ERCC1: variants seen among roughly 807,000 people sequenced by gnomAD.
ERCC1 encodes DNA excision repair protein ERCC-1.
Under a neutral mutation model 37.6 loss-of-function variants are expected in ERCC1, and 36 were observed. The observed-to-expected ratio is 0.96, with a 90% CI of 0.73 to 1.26. ERCC1 has a LOEUF of 1.26. Ranked by LOEUF, ERCC1 falls within the 50% of genes most tolerant of loss-of-function variation. ERCC1 has a pLI of 0.00. For synonymous variants in ERCC1, 156 were observed against 162.1 expected, an observed-to-expected ratio of 0.96 and a Z score of 0.28; for missense variants, 349 against 376.5, an observed-to-expected ratio of 0.93 and a Z score of 0.60.
intron 1 of ERCC1, among the ~76,000 whole-genome samples, chr19:45,442,553 A>G (rs1975149600): frequency 6.6e-6 from 1 of 152,178 alleles, no homozygotes; most frequent in Admixed American, 6.6e-5. Flanking sequence ...CCCCATTGCT[A>G]TGCCCATTTT....
chr19:45,425,138 T>G (rs2123551453), upstream of ERCC1, among the ~76,000 whole-genome samples: 1 of 148,228 alleles, frequency 6.7e-6, no homozygotes, highest in Admixed American at 6.8e-5. Flanking sequence ...TTTCACCATG[T>G]TGGCCAGGCT....
intron 6 of ERCC1, among the ~76,000 whole-genome samples, chr19:45,415,437 C>A (rs1487165710): frequency 3.3e-5 from 5 of 150,634 alleles, no homozygotes; most frequent in Non-Finnish European, 2.9e-5. Context: ...GAGATCGAGA[C>A]CATCCCGACT....
At chr19:45,411,828 G>A (rs2123455959) in intron 9 of ERCC1, among the ~76,000 whole-genome samples, 1 of 149,518 alleles carries the variant, frequency 6.7e-6, no homozygotes, top group East Asian at 2.1e-4. Context: ...ATAGAGCTGA[G>A]ATGGTATCTC....
intron 1 of ERCC1, among the ~76,000 whole-genome samples, chr19:45,438,038 G>A (rs1975026062): frequency 6.6e-6 from 1 of 151,916 alleles, no homozygotes. Flanking sequence ...CTCCCGAGTA[G>A]CTGGGACTAC....
chr19:45,424,091 C>T, upstream of ERCC1: 1 of 1,038,038 alleles, frequency 9.6e-7, no homozygotes, highest in Non-Finnish European at 1.2e-6. Context: ...TCTGTGTGCC[C>T]AGAATCCTGG....
chr19:45,422,981 C>T (rs1222571329), intron 2 of ERCC1, among the ~76,000 whole-genome samples: 1 of 152,140 alleles, frequency 6.6e-6, no homozygotes, highest in African/African-American at 2.4e-5. Context: ...TTCTTAAACA[C>T]GAGCAATAAA....
chr19:45,433,350 A>T (rs1038233255), intron 1 of ERCC1, among the ~76,000 whole-genome samples: 1 of 152,074 alleles, frequency 6.6e-6, no homozygotes, highest in Non-Finnish European at 1.5e-5. Context: ...ACATGGTGAA[A>T]CCCCGTCTCT....
intron 9 of ERCC1, among the ~76,000 whole-genome samples, chr19:45,411,075 C>T (rs1411424983): frequency 3.3e-5 from 5 of 152,218 alleles, no homozygotes; most frequent in South Asian, 4.1e-4. Context: ...CTGCCCGCCT[C>T]GGCCTCCCAA....
chr19:45,408,622 T>A lies in ERCC1; in HGVS notation c.*1053A>T, dbSNP rs756199096. 2 of 1,610,722 alleles carry A rather than the reference T, an allele frequency of 1.2e-6. No homozygotes were observed. The highest frequency in any genetic ancestry group is 4.5e-5 in the East Asian group (2 of 44,740). On this transcript the variant is annotated 3_prime_UTR_variant, in exon 10 of 10. Transcript: ENST00000300853. ...TGCGGAAGAAGAAGAAGAAAAAAAA[T>A]CAGCAGCTGAAAGAACCAGAGGCAG...
chr19:45,410,565 T>TTG (rs542122363), intron 9 of ERCC1: 8,036 of 140,664 alleles, frequency 0.057, 248 homozygotes, highest in African/African-American at 0.072. Flanking sequence ...CATTCTTTCT[T>TTG]TGTGTGTGTG....
chr19:45,432,710 T>C (rs1974864730), intron 1 of ERCC1, among the ~76,000 whole-genome samples: 1 of 152,156 alleles, frequency 6.6e-6, no homozygotes. Context: ...CCTGGCTGCT[T>C]TTATTTATTT....
chr19:45,430,405 A>C (rs1434611049), intron 1 of ERCC1, among the ~76,000 whole-genome samples: 1 of 152,118 alleles, frequency 6.6e-6, no homozygotes, highest in Non-Finnish European at 1.5e-5. Context: ...AGATGAAGAC[A>C]CCAGGCCCAA....
At chr19:45,426,939 G>A (rs796754181), upstream of ERCC1, among the ~76,000 whole-genome samples, 2 of 114,212 alleles carry the variant, frequency 1.8e-5, no homozygotes, top group African/African-American at 7.2e-5. Flanking sequence ...CAGCCTGGGC[G>A]ACAAAAGCGA....
Position 45,409,419 on chromosome 19 carries a change from C to T in ERCC1, c.*256G>A, listed in dbSNP as rs35448603. The T allele has an allele frequency of 7.4e-5, 120 of 1,613,650 alleles. 1 individual carries two copies. In the Admixed American group the frequency reaches 1.7e-3, roughly 23 times the overall value. ...GTGCCCCAAGAGGAGATGCCAGGGC[C>T]GCCACTGAATTCAGAGTCTGGGGAG... On this transcript the variant is annotated 3_prime_UTR_variant, in exon 10 of 10. Coordinates refer to ENST00000300853, the MANE Select transcript of ERCC1 (RefSeq NM_001983.4).
At chr19:45,413,208 T>C (rs1294103824) in intron 9 of ERCC1, among the ~76,000 whole-genome samples, 3 of 152,220 alleles carry the variant, frequency 2.0e-5, no homozygotes, top group African/African-American at 7.2e-5. Flanking sequence ...AAGTCTGTAA[T>C]CCATTTTAAT....
Position 45,423,544 on chromosome 19 carries a change from T to C in ERCC1, c.-7-163A>G. 12 of 1,440,836 alleles carry C rather than the reference T, an allele frequency of 8.3e-6. No individual in the cohort carries two copies. The South Asian group carries it at 1.6e-4, about 19-fold the overall frequency. The allele number at this position is 1,440,836 out of a possible 1,614,324, so 89.3% of individuals were successfully genotyped here. ...GAGGCTCTGTAACGCCACGCCCCTTTGACCTCCACCTTCGGCTCGCCCCGC... is the reference window on the plus strand; with the variant it reads ...GAGGCTCTGTAACGCCACGCCCCTTCGACCTCCACCTTCGGCTCGCCCCGC... On this transcript the variant is annotated intron_variant, in intron 1 of 9. Coordinates refer to ENST00000300853, the MANE Select transcript of ERCC1 (RefSeq NM_001983.4).
At chr19:45,423,687 G>T in intron 1 of ERCC1, 94 bp downstream of exon 1, 2 of 1,248,780 alleles carry the variant, frequency 1.6e-6, no homozygotes, top group South Asian at 3.8e-5. Flanking sequence ...GCATCTGGAC[G>T]CCCTCCCCAC....
At chr19:45,415,635 CAAAAAAAAA>C (rs913880423) in intron 6 of ERCC1, among the ~76,000 whole-genome samples, 39 of 46,730 alleles carry the variant, frequency 8.3e-4, no homozygotes, top group African/African-American at 2.7e-3. Context: ...GACTCCGTCT[CAAAAAAAAA>C]AAAAAAAAAA....
chr19:45,438,790 C>T (rs1281330665), intron 1 of ERCC1, among the ~76,000 whole-genome samples: 2 of 151,420 alleles, frequency 1.3e-5, no homozygotes, highest in African/African-American at 4.8e-5. Context: ...TATAGGCATG[C>T]GCCACCACGC....
Sources: allele counts gnomAD v4.1 joint callset (sites outside exome capture counted in the v4.1 genomes callset), GRCh38; gene constraint gnomAD v4.1.1; transcripts MANE v1.5; gene names NCBI Gene and HGNC (gene_info 2026-07-23, HGNC 2026-07-21).